The following CCNF variants were observed in gnomAD, a reference collection of about 807,000 sequenced individuals.
CCNF encodes cyclin F.
Under a neutral mutation model 85.4 loss-of-function variants are expected in CCNF, and 30 were observed. The observed-to-expected ratio is 0.35, with a 90% CI of 0.26 to 0.48. CCNF has a LOEUF of 0.48. CCNF is among the 20% of genes least tolerant of loss of function. The probability of loss-of-function intolerance (pLI) is 0.99; values close to 1 mark genes in which losing one functional copy is unlikely to be tolerated. For missense variants in CCNF, 919 were observed against 1,010.4 expected (o/e 0.91, Z 1.23); for synonymous variants, 439 against 425.1 (o/e 1.03, Z -0.40).
intron 10 of CCNF, 57 bp downstream of exon 10, chr16:2,445,679 G>C: frequency 6.6e-7 from 1 of 1,525,664 alleles, no homozygotes; most frequent in Non-Finnish European, 8.9e-7. Context: ...CCGGGTTCAG[G>C]GTCACCTGCC....
At chr16:2,432,875 T>G (rs746002124) in intron 2 of CCNF, 86 bp from the exon 3 acceptor site, 2 of 718,306 alleles carry the variant, frequency 2.8e-6, no homozygotes, top group African/African-American at 3.5e-5. Flanking sequence ...AGACCCTACA[T>G]CTGCCTCTCG....
At position 2,435,788 on chromosome 16, in the gene CCNF, A is replaced by T; in HGVS notation, c.279-18A>T. On this transcript the variant is annotated intron_variant, in intron 3 of 16. Coordinates refer to ENST00000397066, the MANE Select transcript of CCNF (RefSeq NM_001761.3). ...GTGGCATAAAATATTGTGATGCTTT[A>T]TGTTCTTAATGTTTCAGGGCTGCTG... 6.2e-7 allele frequency: 1 copy of T among 1,607,056 alleles called. No individual in the cohort carries two copies. The highest frequency in any genetic ancestry group is 8.5e-7 in the Non-Finnish European group (1 of 1,174,288).
In CCNF at chr16:2,458,462, C is replaced by T. The variant is rs1035502045; in HGVS notation, c.*1442C>T. ...ACGGGATTTCACCATGTTGGCCAGG[C>T]TAGTCTCGAACTCATGACCTCAAGT... On this transcript the variant is annotated 3_prime_UTR_variant, in exon 17 of 17. Coordinates refer to ENST00000397066, the MANE Select transcript of CCNF (RefSeq NM_001761.3). The T allele has an allele frequency of 6.6e-5, 10 of 152,154 alleles. No homozygotes were observed. The highest frequency in any genetic ancestry group is 2.4e-4 in the African/African-American group (10 of 41,396). The allele number at this position is 152,154 out of a possible 1,614,324, so 9.4% of individuals were successfully genotyped here.
chr16:2,435,711 C>A, intron 3 of CCNF, 95 bp from the exon 4 acceptor site: 3 of 589,842 alleles, frequency 5.1e-6, no homozygotes, highest in Non-Finnish European at 9.3e-6. Context: ...ATATTCAATT[C>A]AGGGAACAAG....
chr16:2,441,883 A>G (rs549497740), intron 8 of CCNF, among the ~76,000 whole-genome samples: 25 of 144,930 alleles, frequency 1.7e-4, no homozygotes, highest in Non-Finnish European at 3.5e-4. Flanking sequence ...CCTTACTACT[A>G]GTCATAAGAG....
chr16:2,438,042 A>G, intron 5 of CCNF, 28 bp from the exon 6 acceptor site: 3 of 1,572,410 alleles, frequency 1.9e-6, no homozygotes, highest in Non-Finnish European at 2.6e-6. Context: ...TGTGCTGGAA[A>G]TCACACTTCT....
chr16:2,437,276 A>G lies in CCNF; in HGVS notation c.494A>G (p.Lys165Arg), dbSNP rs1423512465. ...TGGTCGGTGAGCGGAAGCTGCTGCAAGGCCGTGGTTCACGAGAGCCTCAGG... is the reference window on the plus strand; with the variant it reads ...TGGTCGGTGAGCGGAAGCTGCTGCAGGGCCGTGGTTCACGAGAGCCTCAGG... ...PPWSVSGSCC[K>R]AVVHESLRAE... Residue 165 changes from lysine to arginine, a missense_variant, in exon 5 of 17, where the codon AAG (lysine) becomes AGG (arginine). This residue lies in a region of CCNF where 410 missense variants were observed against 478.6 expected (regional missense o/e 0.86). Transcript: ENST00000397066. 6.2e-7 allele frequency: 1 copy of G among 1,608,576 alleles called. No individual in the cohort carries two copies. Among genetic ancestry groups the G allele is most frequent in the Admixed American group, 1.7e-5 (1 of 59,936 alleles).
rs779441312 is a variant in CCNF, at chr16:2,437,199, G to A, written c.417G>A (p.Glu139=). ...LKASRFFSLA[E]RLNVGAAPFI... ...CCTCTCGCTTCTTCAGTCTCGCTGA[G>A]CGGCTGAATGTGGGTGCCGCACCTT... Residue 139 remains glutamate (E), a synonymous_variant, in exon 5 of 17, where the codon GAG becomes GAA. Transcript: ENST00000397066. 1.3e-5 allele frequency: 21 copies of A among 1,612,876 alleles called. No individual in the cohort carries two copies. The highest frequency in any genetic ancestry group is 1.8e-5 in the Non-Finnish European group (21 of 1,179,260).
At chr16:2,436,252 T>C in intron 4 of CCNF, 1 of 173,186 alleles carries the variant, frequency 5.8e-6, no homozygotes, top group Non-Finnish European at 1.2e-5. Flanking sequence ...CGAGACAGAG[T>C]TCAGCGTGCC....
At chr16:2,430,982 G>A in intron 1 of CCNF, 148 bp from the exon 2 acceptor site, 1 of 856,190 alleles carries the variant, frequency 1.2e-6, no homozygotes, top group Non-Finnish European at 2.0e-6. Flanking sequence ...TTTGGGACAA[G>A]AAGCATAGTT....
At chr16:2,439,220 C>CCT (rs533078433) in intron 6 of CCNF, 133 bp from the exon 7 acceptor site, 38 of 664,366 alleles carry the variant, frequency 5.7e-5, no homozygotes, top group African/African-American at 5.4e-4. Flanking sequence ...ATTGGTTGAA[C>CCT]CCAGGAGGCG....
intron 13 of CCNF, 82 bp downstream of exon 13, chr16:2,449,997 A>G: frequency 1.0e-6 from 1 of 954,036 alleles, no homozygotes; most frequent in Non-Finnish European, 1.7e-6. Context: ...ATTTGAGGTC[A>G]GGAGTTTGAG....
chr16:2,433,051 C>A lies in CCNF; in HGVS notation c.262C>A (p.Leu88Met). 6.2e-7 allele frequency: 1 copy of A among 1,608,672 alleles called. No individual in the cohort carries two copies. Among genetic ancestry groups the A allele is most frequent in the Non-Finnish European group, 8.5e-7 (1 of 1,175,866 alleles). The change falls in exon 3 of 17, where the codon CTG becomes ATG. Residue 88 changes from leucine to methionine, a missense_variant. By Grantham distance (15) the Leu-to-Met change is conservative (BLOSUM62 2). Around this residue, in one of 3 missense-constraint regions of CCNF, gnomAD observed 410 missense variants for 478.6 expected, o/e 0.86. Transcript: ENST00000397066. ...GGAGCTGTGGCCGTCTCCAGGGAACCTGAAGCTCTTTGAAAGGTATCTCTG... is the reference window on the plus strand; with the variant it reads ...GGAGCTGTGGCCGTCTCCAGGGAACATGAAGCTCTTTGAAAGGTATCTCTG... The part of the protein sequence containing the change: ...FQELWPSPGN[L>M]KLFERAAEKG...
In CCNF at chr16:2,448,961, T is replaced by C. The variant is rs757764626; in HGVS notation, c.1201T>C (p.Leu401=). The stretch of plus-strand genomic sequence containing the variant: ...AATGATGGGCGAGATCGTCTCCGCC[T>C]TGGAAGGGAAGATTCGAGTAAGCAG... ...VRMMGEIVSA[L]EGKIRVPTVV... Residue 401 remains leucine (L), a synonymous_variant, in exon 11 of 17, where the codon TTG becomes CTG. Coordinates refer to ENST00000397066, the MANE Select transcript of CCNF (RefSeq NM_001761.3). The C allele has an allele frequency of 6.2e-6, 10 of 1,614,092 alleles. No individual in the cohort carries two copies. In the East Asian group the frequency reaches 2.2e-4, roughly 36 times the overall value.
chr16:2,453,282 G>A lies in CCNF; in HGVS notation c.1560G>A (p.Lys520=). The change falls in exon 14 of 17, where the codon AAG becomes AAA. Residue 520 remains lysine, a synonymous_variant. Coordinates refer to ENST00000397066, the MANE Select transcript of CCNF (RefSeq NM_001761.3). The surrounding 1 kb of genome is among the most constrained non-coding windows in gnomAD (Gnocchi z 5.6). ...LTAVKQRFED[K]RYGEISQEEV... is the part of the protein sequence containing the mutation. ...CCGTGAAGCAGCGGTTTGAGGACAA[G>A]CGCTATGGAGAAATCAGCCAGGAAG... The A allele has an allele frequency of 6.2e-7, 1 of 1,613,940 alleles. No homozygotes were observed. Among genetic ancestry groups the A allele is most frequent in the African/African-American group, 1.3e-5 (1 of 75,048 alleles).
chr16:2,449,475 C>T lies in CCNF; in HGVS notation c.1399+13C>T. The T allele has an allele frequency of 6.3e-7, 1 of 1,594,680 alleles. No individual in the cohort carries two copies. The highest frequency in any genetic ancestry group is 8.5e-7 in the Non-Finnish European group (1 of 1,174,530). On this transcript the variant is annotated intron_variant, in intron 12 of 16. Coordinates refer to ENST00000397066, the MANE Select transcript of CCNF (RefSeq NM_001761.3). ...ACGCACGGGCAGAGTAAGGAGTGGC[C>T]CTTCCCAGGGATGCCTGTGTCGGGG...
At chr16:2,438,200 C>G in intron 6 of CCNF, 77 bp downstream of exon 6, 2 of 1,121,450 alleles carry the variant, frequency 1.8e-6, no homozygotes, top group Non-Finnish European at 2.7e-6. Context: ...TGAAAAGCAG[C>G]AGAAGGGGGT....
chr16:2,457,068 G>A lies in CCNF; in HGVS notation c.*48G>A, dbSNP rs2065433553. The stretch of plus-strand genomic sequence containing the variant: ...GTGGATGTGTACTGAGGGGGCTGGA[G>A]GCGAAGGGTGGGAGCATAGCATAGG... On this transcript the variant is annotated 3_prime_UTR_variant, in exon 17 of 17. Transcript: ENST00000397066. The A allele has an allele frequency of 2.2e-6, 3 of 1,376,584 alleles. No individual in the cohort carries two copies. Among genetic ancestry groups the A allele is most frequent in the Non-Finnish European group, 2.0e-6 (2 of 1,004,798 alleles). The allele number at this position is 1,376,584 out of a possible 1,614,324, so 85.3% of individuals were successfully genotyped here. A position where few individuals can be genotyped will look rare whatever the true frequency, so the allele number is the denominator to read the frequency against.
chr16:2,431,428 AGCACTTTGGG>A, intron 2 of CCNF, 144 bp downstream of exon 2: 1 of 845,354 alleles, frequency 1.2e-6, no homozygotes, highest in Non-Finnish European at 1.8e-6. Flanking sequence ...CCTTAATCCT[AGCACTTTGGG>A]AGGCCGAAGG....
Sources: allele counts gnomAD v4.1 joint callset (sites outside exome capture counted in the v4.1 genomes callset), GRCh38; gene constraint gnomAD v4.1.1; regional missense constraint gnomAD v4.1.1; non-coding constraint Gnocchi (gnomAD v3.1); transcripts MANE v1.5; gene names NCBI Gene and HGNC (gene_info 2026-07-23, HGNC 2026-07-21).